The following NRG3 variants were observed in gnomAD, a reference collection of about 807,000 sequenced individuals.
NRG3 encodes the protein neuregulin 3.
NRG3 carries 31 observed loss-of-function variants against 66.9 expected under a neutral mutation model. The observed-to-expected ratio is 0.46, with a 90% confidence interval of 0.35 to 0.63. NRG3 has a LOEUF of 0.63. Ranked by LOEUF, NRG3 falls within the 20% of genes least tolerant of loss-of-function variation. NRG3 has a pLI of 0.00. For missense variants in NRG3, 910 were observed against 878.9 expected, an observed-to-expected ratio of 1.04 and a Z score of -0.45; for synonymous variants, 393 against 359.4, an observed-to-expected ratio of 1.09 and a Z score of -1.06.
intron 3 of NRG3, among the ~76,000 whole-genome samples, chr10:82,800,387 G>A (rs1004087211): frequency 6.6e-6 from 1 of 151,916 alleles, no homozygotes; most frequent in Admixed American, 6.6e-5. Flanking sequence ...TTTTACCTAC[G>A]GGCAAGAAAG....
Position 82,270,930 on chromosome 10 carries a change from T to G in NRG3, c.824-87809T>G, listed in dbSNP as rs2078559915. Among the ~76,000 whole-genome samples the G allele has an allele frequency of 2.0e-5, 3 of 152,126 alleles. No individual in the cohort carries two copies. In the South Asian group the frequency reaches 6.2e-4, roughly 32 times the overall value. The stretch of plus-strand genomic sequence containing the variant: ...CCTGAATTGTCAATGTGAGTTTCAT[T>G]TTGATTATGATAGCTAATTTTCCCT... On this transcript the variant is annotated intron_variant, in intron 1 of 8. Coordinates refer to ENST00000372141, the MANE Select transcript of NRG3 (RefSeq NM_001010848.4).
intron 1 of NRG3, among the ~76,000 whole-genome samples, chr10:82,280,003 C>T (rs2079049966): frequency 6.6e-6 from 1 of 152,038 alleles, no homozygotes; most frequent in South Asian, 2.1e-4. Context: ...GAGAAGTCTC[C>T]AGGCTGATTT....
rs1851993921 is a variant in NRG3, at chr10:82,973,805, G to A, written c.1302G>A (p.Arg434=). ...VQLQNYSKVE[R]HPVTALEKMM... Reference sequence around the variant, plus strand: ...TCCCACAGTATTCAAAGGTGGAAAGGCATCCTGTGACTGCATTGGAGAAAA... The same window carrying A: ...TCCCACAGTATTCAAAGGTGGAAAGACATCCTGTGACTGCATTGGAGAAAA... The change falls in exon 7 of 9, where the codon AGG becomes AGA. Residue 434 remains arginine, a synonymous_variant. Coordinates refer to ENST00000372141, the MANE Select transcript of NRG3 (RefSeq NM_001010848.4). 8 of 1,613,980 alleles carry A rather than the reference G, an allele frequency of 5.0e-6. No homozygotes were observed. Among genetic ancestry groups the A allele is most frequent in the Non-Finnish European group, 6.8e-6 (8 of 1,179,886 alleles).
chr10:82,771,694 C>T (rs2059717852), intron 3 of NRG3, among the ~76,000 whole-genome samples: 1 of 152,182 alleles, frequency 6.6e-6, no homozygotes, highest in Admixed American at 6.6e-5. Flanking sequence ...CCTGGATGAG[C>T]TATTCCTCAT....
chr10:82,562,244 T>C (rs2133026076), intron 2 of NRG3, among the ~76,000 whole-genome samples: 1 of 152,308 alleles, frequency 6.6e-6, no homozygotes, highest in African/African-American at 2.4e-5. Flanking sequence ...TTTCTATCTC[T>C]ATTATGTTAC....
chr10:82,733,226 A>G (rs972430067), intron 2 of NRG3, among the ~76,000 whole-genome samples: 2 of 152,196 alleles, frequency 1.3e-5, no homozygotes, highest in Non-Finnish European at 2.9e-5. Context: ...ATTTGAACAT[A>G]TTTGTATTCT....
intron 1 of NRG3, among the ~76,000 whole-genome samples, chr10:82,348,763 A>C (rs1248960833): frequency 1.3e-5 from 2 of 151,088 alleles, no homozygotes; most frequent in East Asian, 2.0e-4. Flanking sequence ...GGCTTTGCTC[A>C]TTTCTTTTTA....
chr10:82,240,314 AT>A (rs1487352168), intron 1 of NRG3, among the ~76,000 whole-genome samples: 1 of 152,240 alleles, frequency 6.6e-6, no homozygotes, highest in East Asian at 1.9e-4. Context: ...AATAAAAAAA[AT>A]CATTAACAGA....
chr10:82,483,101 T>C (rs1400167642), intron 2 of NRG3, among the ~76,000 whole-genome samples: 1 of 152,028 alleles, frequency 6.6e-6, no homozygotes, highest in East Asian at 1.9e-4. Context: ...CCCAAACAGA[T>C]GAAAAAAAGT....
intron 2 of NRG3, among the ~76,000 whole-genome samples, chr10:82,562,728 A>G (rs2045133776): frequency 6.6e-6 from 1 of 151,620 alleles, no homozygotes; most frequent in Non-Finnish European, 1.5e-5. Context: ...GAGCAGCACC[A>G]TTCCTCTGGA....
intron 1 of NRG3, among the ~76,000 whole-genome samples, chr10:81,997,987 C>T (rs1206148018): frequency 2.0e-5 from 3 of 151,794 alleles, no homozygotes; most frequent in African/African-American, 7.3e-5. Flanking sequence ...CTGAGCAGGT[C>T]TGGGTGATTT....
intron 6 of NRG3, among the ~76,000 whole-genome samples, chr10:82,967,355 C>T (rs1279959566): frequency 6.6e-6 from 1 of 152,032 alleles, no homozygotes; most frequent in Non-Finnish European, 1.5e-5. Context: ...TCCATAACTA[C>T]ATCAATAATT....
At chr10:82,032,008 GT>G (rs754428353) in intron 1 of NRG3, among the ~76,000 whole-genome samples, 33 of 151,994 alleles carry the variant, frequency 2.2e-4, no homozygotes, top group Admixed American at 1.8e-3. Flanking sequence ...GAGTCAGGCA[GT>G]TGCTGTTCCT....
intron 1 of NRG3, among the ~76,000 whole-genome samples, chr10:82,197,237 G>A (rs1040265563): frequency 2.0e-5 from 3 of 152,122 alleles, no homozygotes; most frequent in African/African-American, 4.8e-5. Flanking sequence ...GTGAATGAAT[G>A]TTTTATTTAA....
At chr10:82,479,487 T>G (rs1590277573) in intron 2 of NRG3, among the ~76,000 whole-genome samples, 3 of 109,534 alleles carry the variant, frequency 2.7e-5, no homozygotes, top group South Asian at 3.9e-4. Context: ...TCACCTGAGG[T>G]CAGGAGTTGG....
In NRG3 at chr10:82,232,923, G is replaced by T. The variant is rs867746605; in HGVS notation, c.824-125816G>T. ...TTTGAATAATTTCTCCAGAATTTGG[G>T]AAACAGGAGTGTTCTCTAGTTGCCT... is the stretch of plus-strand genomic sequence containing the variant. On this transcript the variant is annotated intron_variant, in intron 1 of 8. Coordinates refer to ENST00000372141, the MANE Select transcript of NRG3 (RefSeq NM_001010848.4). The T allele has an allele frequency of 6.2e-5, 43 of 691,674 alleles. 1 individual carries two copies. The Middle Eastern group carries it at 4.5e-3, about 72-fold the overall frequency. 42.8% of individuals were successfully genotyped at this position (691,674 alleles called of 1,614,324 possible). A position where few individuals can be genotyped will look rare whatever the true frequency, so the allele number is the denominator to read the frequency against.
chr10:82,384,809 G>C (rs951600149), intron 2 of NRG3, among the ~76,000 whole-genome samples: 6 of 152,264 alleles, frequency 3.9e-5, no homozygotes, highest in African/African-American at 1.4e-4. Context: ...ATGGGATTGT[G>C]GGTTGAATGA....
intron 2 of NRG3, among the ~76,000 whole-genome samples, chr10:82,510,180 T>A (rs1188719420): frequency 6.6e-6 from 1 of 152,206 alleles, no homozygotes; most frequent in Admixed American, 6.5e-5. Flanking sequence ...CATCCCTCTC[T>A]GCTAGCCCTC....
intron 3 of NRG3, among the ~76,000 whole-genome samples, chr10:82,754,595 ACT>A (rs1355968535): frequency 2.0e-5 from 3 of 151,754 alleles, no homozygotes; most frequent in Admixed American, 6.6e-5. Flanking sequence ...AACCCAACTA[ACT>A]CTCTTATTTT....
Sources: gnomAD v4.1 joint callset for allele counts (sites outside exome capture counted in the v4.1 genomes callset) on GRCh38, gnomAD v4.1.1 for gene constraint, MANE v1.5 for transcripts, NCBI Gene and HGNC (gene_info 2026-07-23, HGNC 2026-07-21) for gene names.